The following IQCH variants were observed in gnomAD, a reference collection of about 807,000 sequenced individuals.
IQCH encodes the protein IQ motif containing H.
A neutral mutation model predicts 117.0 loss-of-function variants in IQCH; 98 were observed. The ratio of observed to expected loss-of-function variants is 0.84; its 90% CI spans 0.71 to 0.99. IQCH has a LOEUF of 0.99. Among genes scored for constraint, IQCH ranks in the 50% least tolerant of loss-of-function variants. The probability of loss-of-function intolerance (pLI) is 0.00; values close to 1 mark genes in which losing one functional copy is unlikely to be tolerated. For synonymous variants in IQCH, 412 were observed against 448.2 expected, an observed-to-expected ratio of 0.92 and a Z score of 1.02; for missense variants, 1,102 against 1,243.8, an observed-to-expected ratio of 0.89 and a Z score of 1.72.
chr15:67,329,625 G>A (rs1040171361), intron 4 of IQCH, among the ~76,000 whole-genome samples: 10 of 151,932 alleles, frequency 6.6e-5, no homozygotes, highest in African/African-American at 1.9e-4. Context: ...ACAGGTGCAT[G>A]CCCAGATAAT....
rs1280811894 is a variant in IQCH at position 67,458,570 on chromosome 15, T to C, written c.2506-6557T>C. On this transcript the variant is annotated intron_variant, in intron 16 of 20. Coordinates refer to ENST00000335894, the MANE Select transcript of IQCH (RefSeq NM_001031715.3). This position sits in a 1 kb window ranked among gnomAD's most constrained non-coding sequence, Gnocchi z 4.1. ...CACATCACTCCTCCACTCAACACTC[T>C]CCAGTGCATTCCCAGCCTCCACAGC... Among the ~76,000 whole-genome samples, 1 of 152,136 alleles carries C rather than the reference T, an allele frequency of 6.6e-6. No individual in the cohort carries two copies. Among genetic ancestry groups the C allele is most frequent in the Admixed American group, 6.5e-5 (1 of 15,272 alleles).
At chr15:67,412,277 A>T (rs1415539251) in intron 14 of IQCH, among the ~76,000 whole-genome samples, 1 of 152,172 alleles carries the variant, frequency 6.6e-6, no homozygotes, top group Non-Finnish European at 1.5e-5. Flanking sequence ...GCTCTAAATG[A>T]TCTGTTCAAA....
chr15:67,375,061 T>C (rs1299204437), intron 10 of IQCH, among the ~76,000 whole-genome samples: 1 of 152,198 alleles, frequency 6.6e-6, no homozygotes, highest in Non-Finnish European at 1.5e-5. Flanking sequence ...AGAAGCTTGA[T>C]ACAAAGGAGT....
chr15:67,254,881 G>A lies in IQCH; in HGVS notation c.-16G>A. The A allele has an allele frequency of 1.2e-6, 2 of 1,612,886 alleles. No homozygotes were observed. Among genetic ancestry groups the A allele is most frequent in the Non-Finnish European group, 8.5e-7 (1 of 1,179,278 alleles). On this transcript the variant is annotated 5_prime_UTR_variant, in exon 1 of 21. Coordinates refer to ENST00000335894, the MANE Select transcript of IQCH (RefSeq NM_001031715.3). ...AAACCGCGCCTCCGCGGAGGTAGCC[G>A]TTCCCTGACCTAGCCATGGCACAGA...
At chr15:67,349,627 A>G (rs1217721263) in intron 6 of IQCH, among the ~76,000 whole-genome samples, 8 of 151,056 alleles carry the variant, frequency 5.3e-5, no homozygotes, top group African/African-American at 1.7e-4. Flanking sequence ...AAAAAAGGAA[A>G]GAAAGAAAAG....
Position 67,366,806 on chromosome 15 carries a change from ACCACCTTT to A in IQCH, c.754-5304_754-5297del, listed in dbSNP as rs781142267. ...TACTCTTTGGGGTTCTCTCCCCATG[ACCACCTTT>A]ACCATTAGGTGGTGTGGGCAGTCGT... On this transcript the variant is annotated intron_variant, in intron 8 of 20. Coordinates refer to ENST00000335894, the MANE Select transcript of IQCH (RefSeq NM_001031715.3). The surrounding 1 kb of genome is among the most constrained non-coding windows in gnomAD (Gnocchi z 4.4). Among the ~76,000 whole-genome samples, 28 of 152,136 alleles carry A rather than the reference ACCACCTTT, an allele frequency of 1.8e-4. No individual in the cohort carries two copies. Among genetic ancestry groups the A allele is most frequent in the Non-Finnish European group, 3.5e-4 (24 of 68,006 alleles).
chr15:67,311,662 T>A lies in IQCH; in HGVS notation c.388-25313T>A, dbSNP rs554807831. On this transcript the variant is annotated intron_variant, in intron 4 of 20. Transcript: ENST00000335894. ...TATAGGTACATAATACTATATGCAATTGTTACTTATATATGTTTTGACATA... is the reference window on the plus strand; with the variant it reads ...TATAGGTACATAATACTATATGCAAATGTTACTTATATATGTTTTGACATA... 9.2e-5 allele frequency among the ~76,000 whole-genome samples: 14 copies of A among 151,398 alleles called. No individual in the cohort carries two copies. The East Asian group carries it at 2.5e-3, about 27-fold the overall frequency.
intron 4 of IQCH, among the ~76,000 whole-genome samples, chr15:67,294,413 C>T (rs1348173664): frequency 1.3e-5 from 2 of 152,144 alleles, no homozygotes; most frequent in Admixed American, 6.6e-5. Flanking sequence ...CATTTCTGAG[C>T]CTTCCTCAAA....
chr15:67,327,695 C>T (rs1420503434), intron 4 of IQCH, among the ~76,000 whole-genome samples: 1 of 152,176 alleles, frequency 6.6e-6, no homozygotes, highest in Non-Finnish European at 1.5e-5. Flanking sequence ...ACTCCAGACT[C>T]TATGCTTGCT....
rs941686108 is a variant in IQCH, at chr15:67,457,959, C to T, written c.2506-7168C>T. On this transcript the variant is annotated intron_variant, in intron 16 of 20. Coordinates refer to ENST00000335894, the MANE Select transcript of IQCH (RefSeq NM_001031715.3). The surrounding 1 kb of genome is among the most constrained non-coding windows in gnomAD (Gnocchi z 5.7). ...GACTGAGCTGCCTCTGCCTTGTCCCCTGGGGAAGGCCTCAGGTCCTATAGA... is the reference window on the plus strand; with the variant it reads ...GACTGAGCTGCCTCTGCCTTGTCCCTTGGGGAAGGCCTCAGGTCCTATAGA... Among the ~76,000 whole-genome samples, 3 of 116,146 alleles carry T rather than the reference C, an allele frequency of 2.6e-5. No homozygotes were observed. The highest frequency in any genetic ancestry group is 8.6e-5 in the African/African-American group (3 of 34,744). 76.2% of individuals were successfully genotyped at this position (116,146 alleles called of 152,430 possible).
rs1971368756 is a variant in IQCH at position 67,393,847 on chromosome 15, A to C, written c.1633-1444A>C. Among the ~76,000 whole-genome samples the C allele has an allele frequency of 6.6e-6, 1 of 152,128 alleles. No individual in the cohort carries two copies. Among genetic ancestry groups the C allele is most frequent in the South Asian group, 2.1e-4 (1 of 4,822 alleles). On this transcript the variant is annotated intron_variant, in intron 12 of 20. Coordinates refer to ENST00000335894, the MANE Select transcript of IQCH (RefSeq NM_001031715.3). The surrounding 1 kb of genome is among the most constrained non-coding windows in gnomAD (Gnocchi z 5.5). ...TTATTTTTAAGAGGGTTTTCTCTGT[A>C]ATAATAACTATTACCATTTGTTGAG...
At chr15:67,444,379 C>T (rs953363976) in intron 16 of IQCH, among the ~76,000 whole-genome samples, 3 of 152,090 alleles carry the variant, frequency 2.0e-5, no homozygotes, top group African/African-American at 4.8e-5. Context: ...GGTGGATTCA[C>T]GGGATGGAAA....
At chr15:67,319,472 C>T (rs1968010277) in intron 4 of IQCH, among the ~76,000 whole-genome samples, 5 of 152,276 alleles carry the variant, frequency 3.3e-5, no homozygotes, top group Admixed American at 2.6e-4. Context: ...ATCCATAATT[C>T]TGATCGAAGT....
At chr15:67,346,944 G>T (rs1451638851) in intron 6 of IQCH, among the ~76,000 whole-genome samples, 1 of 151,994 alleles carries the variant, frequency 6.6e-6, no homozygotes, top group Non-Finnish European at 1.5e-5. Flanking sequence ...CAAAGAGGAA[G>T]TCACAAGGAT....
chr15:67,290,447 TGTG>T (rs1475279597), intron 4 of IQCH, among the ~76,000 whole-genome samples: 4 of 152,068 alleles, frequency 2.6e-5, no homozygotes, highest in East Asian at 1.9e-4. Context: ...AAAATTCAAT[TGTG>T]GTGATGATGT....
At chr15:67,261,213 C>T in intron 1 of IQCH, 59 bp from the exon 2 acceptor site, 1 of 1,169,006 alleles carries the variant, frequency 8.6e-7, no homozygotes, top group Non-Finnish European at 1.2e-6. Context: ...AGATAAATAA[C>T]TGCTATAGGT....
At chr15:67,289,885 T>TA (rs1966693337) in intron 4 of IQCH, among the ~76,000 whole-genome samples, 1 of 152,052 alleles carries the variant, frequency 6.6e-6, no homozygotes, top group Non-Finnish European at 1.5e-5. Context: ...CCAAACAATA[T>TA]ATATTACACA....
At chr15:67,273,352 G>A (rs1596074752) in intron 3 of IQCH, among the ~76,000 whole-genome samples, 2 of 151,882 alleles carry the variant, frequency 1.3e-5, no homozygotes, top group Non-Finnish European at 2.9e-5. Context: ...TTATAGGCAC[G>A]AGCCACCATG....
At chr15:67,292,126 G>A (rs1406847879) in intron 4 of IQCH, among the ~76,000 whole-genome samples, 1 of 152,114 alleles carries the variant, frequency 6.6e-6, no homozygotes, top group Non-Finnish European at 1.5e-5. Flanking sequence ...CAGACACAGT[G>A]AAAAGATGGC....
Sources: allele counts gnomAD v4.1 joint callset (sites outside exome capture counted in the v4.1 genomes callset), GRCh38; gene constraint gnomAD v4.1.1; non-coding constraint Gnocchi (gnomAD v3.1); transcripts MANE v1.5; gene names NCBI Gene and HGNC (gene_info 2026-07-23, HGNC 2026-07-21).